Variants in ENTREP1 observed in about 807,000 individuals in gnomAD.
The protein encoded by ENTREP1 is endosomal transmembrane epsin interactor 1.
the ENTREP1 span, among the ~76,000 whole-genome samples, chr9:69,335,519 T>A: frequency 2.0e-5 from 3 of 152,214 alleles, no homozygotes; most frequent in African/African-American, 7.2e-5. Context: ...GGGCAGGTAC[T>A]TGGTAGGAAG....
the ENTREP1 span, chr9:69,392,089 C>A: frequency 6.4e-6 from 3 of 466,808 alleles, no homozygotes; most frequent in Non-Finnish European, 3.9e-6. Flanking sequence ...CATGCCCTGG[C>A]ATGGGCAGAA....
chr9:69,385,903 C>T, the ENTREP1 span: 1 of 1,613,290 alleles, frequency 6.2e-7, no homozygotes, highest in Non-Finnish European at 8.5e-7. Context: ...CCCTTGAGGA[C>T]CAGGTCGAAG....
the ENTREP1 span, chr9:69,324,968 C>T: frequency 5.7e-4 from 558 of 985,320 alleles, 3 homozygotes; most frequent in African/African-American, 8.7e-3. Context: ...GGCACCCTCC[C>T]AGGACCCCAG....
chr9:69,377,091 A>G, the ENTREP1 span, among the ~76,000 whole-genome samples: 1 of 152,182 alleles, frequency 6.6e-6, no homozygotes, highest in Non-Finnish European at 1.5e-5. Context: ...GATGCTTGCA[A>G]AAAGAAATAC....
At chr9:69,381,265 C>T in the ENTREP1 span, 1 of 152,164 alleles carries the variant, frequency 6.6e-6, no homozygotes, top group East Asian at 1.9e-4. Flanking sequence ...CATTTCTGAG[C>T]CTCAGTTTCC....
chr9:69,349,316 A>T, the ENTREP1 span, among the ~76,000 whole-genome samples: 5 of 151,896 alleles, frequency 3.3e-5, no homozygotes, highest in Non-Finnish European at 7.4e-5. Flanking sequence ...TTGCTGATTC[A>T]TGTGGTAACT....
At chr9:69,372,119 A>G in the ENTREP1 span, among the ~76,000 whole-genome samples, 5 of 152,238 alleles carry the variant, frequency 3.3e-5, no homozygotes, top group Admixed American at 3.3e-4. Context: ...AGCTTTTTGG[A>G]TTTCAGCATT....
chr9:69,388,810 T>C, the ENTREP1 span, among the ~76,000 whole-genome samples: 1 of 152,240 alleles, frequency 6.6e-6, no homozygotes, highest in Non-Finnish European at 1.5e-5. Context: ...AGGGCATGTT[T>C]TCTCAGCCCT....
the ENTREP1 span, among the ~76,000 whole-genome samples, chr9:69,343,949 T>C: frequency 6.6e-6 from 1 of 152,216 alleles, no homozygotes; most frequent in Non-Finnish European, 1.5e-5. Flanking sequence ...AATATCACAT[T>C]GCCAGTGCTA....
At chr9:69,333,293 G>T in the ENTREP1 span, among the ~76,000 whole-genome samples, 1 of 151,888 alleles carries the variant, frequency 6.6e-6, no homozygotes, top group Admixed American at 6.6e-5. Context: ...GCTGGGGCTG[G>T]ACACTTCCTT....
chr9:69,325,107 C>T, the ENTREP1 span: 3 of 985,276 alleles, frequency 3.0e-6, no homozygotes, highest in African/African-American at 1.7e-5. Context: ...ACCCGCCAGG[C>T]GGCAGGTGGG....
chr9:69,358,898 C>G, the ENTREP1 span, among the ~76,000 whole-genome samples: 1 of 121,180 alleles, frequency 8.3e-6, no homozygotes, highest in African/African-American at 3.1e-5. Flanking sequence ...TTTTCTTTTT[C>G]TTTCTTTTTT....
the ENTREP1 span, among the ~76,000 whole-genome samples, chr9:69,335,316 C>T: frequency 6.6e-6 from 1 of 152,146 alleles, no homozygotes; most frequent in Non-Finnish European, 1.5e-5. Context: ...GAAATGTGTG[C>T]AGAGGGCTTC....
chr9:69,388,975 C>T, the ENTREP1 span, among the ~76,000 whole-genome samples: 8 of 152,236 alleles, frequency 5.3e-5, no homozygotes, highest in African/African-American at 1.7e-4. Flanking sequence ...AGGCAATCCC[C>T]GAAACTGAAG....
the ENTREP1 span, chr9:69,377,332 T>C: frequency 8.9e-7 from 1 of 1,120,796 alleles, no homozygotes; most frequent in South Asian, 1.2e-5. Context: ...GTGATGTTTG[T>C]TGAAGTACTT....
the ENTREP1 span, among the ~76,000 whole-genome samples, chr9:69,337,097 C>G: frequency 6.9e-6 from 1 of 145,694 alleles, no homozygotes; most frequent in African/African-American, 2.6e-5. Context: ...TTACCGCAAC[C>G]TCTGCCTCCC....
chr9:69,354,254 ATTTTTT>A, the ENTREP1 span, among the ~76,000 whole-genome samples: 1 of 105,648 alleles, frequency 9.5e-6, no homozygotes, highest in Non-Finnish European at 1.8e-5. Context: ...CTATTGCAAC[ATTTTTT>A]TTTTTTTTTT....
the ENTREP1 span, among the ~76,000 whole-genome samples, chr9:69,385,332 G>A: frequency 6.6e-6 from 1 of 152,140 alleles, no homozygotes; most frequent in African/African-American, 2.4e-5. Context: ...TTGTTTAGTG[G>A]CCACTTGACT....
At chr9:69,377,796 A>G in the ENTREP1 span, 2 of 1,548,572 alleles carry the variant, frequency 1.3e-6, no homozygotes, top group Non-Finnish European at 1.8e-6. Flanking sequence ...TGGGTTCTGA[A>G]GACTGAAGTG....
Sources: allele counts gnomAD v4.1 joint callset (sites outside exome capture counted in the v4.1 genomes callset), GRCh38; gene constraint gnomAD v4.1.1; transcripts MANE v1.5; gene names NCBI Gene and HGNC (gene_info 2026-07-23, HGNC 2026-07-21).